Variants in SPINT2 observed in about 807,000 individuals in gnomAD.
The protein encoded by SPINT2 is serine peptidase inhibitor, Kunitz type 2.
A neutral mutation model predicts 30.1 loss-of-function variants in SPINT2; 18 were observed. The observed-to-expected ratio is 0.60, with a 90% confidence interval of 0.41 to 0.89. The LOEUF (loss-of-function observed/expected upper bound fraction) is 0.89, where lower values mean the gene tolerates loss of function less well. SPINT2 is among the 40% of genes least tolerant of loss of function. The pLI, the probability that SPINT2 is intolerant of heterozygous loss-of-function variation, is 0.00. For synonymous variants in SPINT2, 139 were observed against 137.9 expected, an observed-to-expected ratio of 1.01 and a Z score of -0.05; for missense variants, 276 against 334.3, an observed-to-expected ratio of 0.83 and a Z score of 1.36.
At chr19:38,284,024 G>T (rs74849555) in intron 2 of SPINT2, among the ~76,000 whole-genome samples, 16,722 of 151,500 alleles carry the variant, frequency 0.11, 1,020 homozygotes, top group East Asian at 0.18. Context: ...TGTGTTTTTA[G>T]TAGAGACATG....
chr19:38,272,322 G>A (rs1968467169), intron 1 of SPINT2, among the ~76,000 whole-genome samples: 1 of 152,184 alleles, frequency 6.6e-6, no homozygotes, highest in African/African-American at 2.4e-5. Context: ...GTGACCTTTT[G>A]AAGGGCCGCT....
intron 2 of SPINT2, among the ~76,000 whole-genome samples, chr19:38,284,327 T>G (rs780708339): frequency 1.3e-5 from 2 of 152,128 alleles, no homozygotes; most frequent in Non-Finnish European, 2.9e-5. Flanking sequence ...ACTCTTGGCC[T>G]CAAGTGATCC....
In SPINT2 at chr19:38,289,193, T is replaced by TA; in HGVS notation, c.391+6dup. On this transcript the variant is annotated splice_region_variant and intron_variant, in intron 4 of 6. Coordinates refer to ENST00000301244, the MANE Select transcript of SPINT2 (RefSeq NM_021102.4). ...CCAGCGATATGTTCAACTATGAAGG[T>TA]AAAACTCCAAAGAGGCCAGGTGCGG... 6.2e-7 allele frequency: 1 copy of TA among 1,613,594 alleles called. No homozygotes were observed. The highest frequency in any genetic ancestry group is 8.5e-7 in the Non-Finnish European group (1 of 1,179,778).
intron 1 of SPINT2, among the ~76,000 whole-genome samples, chr19:38,278,830 A>G (rs950166092): frequency 1.3e-5 from 2 of 152,132 alleles, no homozygotes; most frequent in Non-Finnish European, 2.9e-5. Context: ...GTTTTTGCAG[A>G]ACAGTGAATG....
chr19:38,288,858 T>C, intron 3 of SPINT2: 1 of 447,180 alleles, frequency 2.2e-6, no homozygotes, highest in East Asian at 4.2e-5. Context: ...TTAGAAAGTG[T>C]GAACAAGACC....
chr19:38,276,857 G>C (rs1448181687), intron 1 of SPINT2, among the ~76,000 whole-genome samples: 1 of 151,998 alleles, frequency 6.6e-6, no homozygotes, highest in Non-Finnish European at 1.5e-5. Context: ...CTGGAGTGCA[G>C]TGGCGTGATC....
chr19:38,291,949 C>T lies in SPINT2; in HGVS notation c.702C>T (p.Thr234=), dbSNP rs774389164. 38 of 1,613,946 alleles carry T rather than the reference C, an allele frequency of 2.4e-5. No individual in the cohort carries two copies. Among genetic ancestry groups the T allele is most frequent in the East Asian group, 4.5e-5 (2 of 44,886 alleles). Residue 234 remains threonine, a synonymous_variant, in exon 7 of 7, where the codon ACC becomes ACT. Transcript: ENST00000301244. ...GGAACCAGGAGCGTGCCCTGCGCAC[C>T]GTCTGGAGCTCCGGAGATGACAAGG... The part of the protein sequence containing the change: ...ARRNQERALR[T]VWSSGDDKEQ...
chr19:38,272,604 G>A (rs572365420), intron 1 of SPINT2, among the ~76,000 whole-genome samples: 1 of 152,146 alleles, frequency 6.6e-6, no homozygotes, highest in South Asian at 2.1e-4. Flanking sequence ...TGGACTGCTC[G>A]GGTTCTTGTT....
At position 38,290,076 on chromosome 19, in the gene SPINT2, C is replaced by A; in HGVS notation, c.392-43C>A. The A allele has an allele frequency of 1.2e-6, 2 of 1,610,234 alleles. No individual in the cohort carries two copies. Among genetic ancestry groups the A allele is most frequent in the South Asian group, 2.2e-5 (2 of 90,944 alleles). On this transcript the variant is annotated intron_variant, in intron 4 of 6. Coordinates refer to ENST00000301244, the MANE Select transcript of SPINT2 (RefSeq NM_021102.4). This position sits in a 1 kb window ranked among gnomAD's most constrained non-coding sequence, Gnocchi z 4.3. Reference sequence around the variant, plus strand: ...CTTTCTGGCTTGCTTCCCCTCCTTGCGGGCCCTACTAATTTGTATTCCCTG... The same window carrying A: ...CTTTCTGGCTTGCTTCCCCTCCTTGAGGGCCCTACTAATTTGTATTCCCTG...
chr19:38,292,352 GT>G lies in SPINT2; in HGVS notation c.*353del, dbSNP rs1022102983. ...GTTTCTTTTGTTTGTCTGATTTATG[GT>G]TTTTTTAAGTATAAACAAAAGTTTT... On this transcript the variant is annotated 3_prime_UTR_variant, in exon 7 of 7. Coordinates refer to ENST00000301244, the MANE Select transcript of SPINT2 (RefSeq NM_021102.4). The G allele has an allele frequency of 6.5e-5, 12 of 184,760 alleles. No individual in the cohort carries two copies. The highest frequency in any genetic ancestry group is 4.0e-4 in the Admixed American group (7 of 17,678). 11.4% of individuals were successfully genotyped at this position (184,760 alleles called of 1,614,324 possible).
In SPINT2 at chr19:38,291,882, T is replaced by C. The variant is rs752741512; in HGVS notation, c.635T>C (p.Phe212Ser). 6.2e-7 allele frequency: 1 copy of C among 1,613,746 alleles called. No homozygotes were observed. The highest frequency in any genetic ancestry group is 1.7e-5 in the Admixed American group (1 of 60,002). ...CTGTTCGTGATGGTGTTGATCCTCT[T>C]CCTGGGAGCCTCCATGGTCTACCTG... The part of the protein sequence containing the change: ...AGLFVMVLIL[F>S]LGASMVYLIR... Residue 212 changes from phenylalanine to serine, a missense_variant, in exon 7 of 7, where the codon TTC (phenylalanine) becomes TCC (serine). Phe to Ser is a radical substitution (Grantham distance 155, BLOSUM62 -2). Coordinates refer to ENST00000301244, the MANE Select transcript of SPINT2 (RefSeq NM_021102.4).
chr19:38,288,274 C>T (rs1968667114), intron 3 of SPINT2: 3 of 431,894 alleles, frequency 6.9e-6, no homozygotes, highest in South Asian at 4.2e-5. Flanking sequence ...CCCCACTCCC[C>T]ACCCACCCTC....
intron 1 of SPINT2, among the ~76,000 whole-genome samples, chr19:38,272,922 A>T (rs1000273993): frequency 1.3e-5 from 2 of 152,062 alleles, no homozygotes; most frequent in Non-Finnish European, 2.9e-5. Flanking sequence ...GGGTTTCACC[A>T]TGTTGGCCAG....
chr19:38,266,372 C>A (rs56219560), intron 1 of SPINT2, among the ~76,000 whole-genome samples: 35,252 of 149,708 alleles, frequency 0.24, 4,238 homozygotes, highest in Admixed American at 0.29. Context: ...GTGAAACTCC[C>A]ATCTCAAAAA....
At position 38,290,977 on chromosome 19, in the gene SPINT2, C is replaced by G. The variant is rs964631886; in HGVS notation, c.592+402C>G. ...GTTTCCCAACACAGTCTGGTCTGAGCGGGAGGCCAGGCCTCTGGCCTGTGT... is the reference window on the plus strand; with the variant it reads ...GTTTCCCAACACAGTCTGGTCTGAGGGGGAGGCCAGGCCTCTGGCCTGTGT... On this transcript the variant is annotated intron_variant, in intron 6 of 6. Coordinates refer to ENST00000301244, the MANE Select transcript of SPINT2 (RefSeq NM_021102.4). The surrounding 1 kb of genome is among the most constrained non-coding windows in gnomAD (Gnocchi z 4.3). 2 of 318,006 alleles carry G rather than the reference C, an allele frequency of 6.3e-6. No individual in the cohort carries two copies. Among genetic ancestry groups the G allele is most frequent in the Non-Finnish European group, 1.2e-5 (2 of 164,254 alleles). 19.7% of individuals were successfully genotyped at this position (318,006 alleles called of 1,614,324 possible).
intron 1 of SPINT2, among the ~76,000 whole-genome samples, chr19:38,271,207 C>T (rs545048968): frequency 4.6e-5 from 7 of 152,056 alleles, no homozygotes; most frequent in East Asian, 1.9e-4. Flanking sequence ...GAAATGAGGG[C>T]GAGGCCGGGC....
At chr19:38,284,356 A>G (rs1968617572) in intron 2 of SPINT2, among the ~76,000 whole-genome samples, 1 of 152,150 alleles carries the variant, frequency 6.6e-6, no homozygotes, top group Admixed American at 6.5e-5. Flanking sequence ...GGGCCTTCCA[A>G]AGGGCTGAGA....
At chr19:38,286,769 C>T (rs558625145) in intron 2 of SPINT2, among the ~76,000 whole-genome samples, 2 of 152,116 alleles carry the variant, frequency 1.3e-5, no homozygotes, top group Admixed American at 6.5e-5. Context: ...GGCGACAGAG[C>T]GAGACTCCGT....
intron 2 of SPINT2, among the ~76,000 whole-genome samples, chr19:38,286,075 T>C (rs753217028): frequency 3.0e-4 from 46 of 152,158 alleles, no homozygotes; most frequent in Non-Finnish European, 4.9e-4. Flanking sequence ...TATTGGCATC[T>C]GACTGGCTGC....
Sources: allele counts gnomAD v4.1 joint callset (sites outside exome capture counted in the v4.1 genomes callset), GRCh38; gene constraint gnomAD v4.1.1; non-coding constraint Gnocchi (gnomAD v3.1); transcripts MANE v1.5; gene names NCBI Gene and HGNC (gene_info 2026-07-23, HGNC 2026-07-21).